UGGT1: variants seen among roughly 807,000 people sequenced by gnomAD.
The protein encoded by UGGT1 is UDP-glucose:glycoprotein glucosyltransferase 1.
In UGGT1, 107 loss-of-function variants were observed where a neutral mutation model predicts 203.9. The observed-to-expected ratio is 0.52, with a 90% CI of 0.45 to 0.62. The LOEUF is 0.62. Ranked by LOEUF, UGGT1 falls within the 20% of genes least tolerant of loss-of-function variation. The pLI is 0.00. For missense variants in UGGT1, 1,673 were observed against 1,867.2 expected (o/e 0.90, Z 1.92); for synonymous variants, 628 against 653.5 (o/e 0.96, Z 0.59).
intron 38 of UGGT1, 73 bp downstream of exon 38, chr2:128,183,862 T>A: frequency 8.3e-7 from 1 of 1,203,196 alleles, no homozygotes; most frequent in Non-Finnish European, 1.2e-6. Context: ...GAAGTATTAC[T>A]TGTGTCTTCA....
At position 128,163,473 on chromosome 2, in the gene UGGT1, G is replaced by T. The variant is rs182689147; in HGVS notation, c.2826-1257G>T. On this transcript the variant is annotated intron_variant, in intron 25 of 40. Coordinates refer to ENST00000259253, the MANE Select transcript of UGGT1 (RefSeq NM_020120.4). ...GCTCACACCTGTAATCCCAGCACTTGGGAAGGCCGAGGCGGGCGGATCATG... is the reference window on the plus strand; with the variant it reads ...GCTCACACCTGTAATCCCAGCACTTTGGAAGGCCGAGGCGGGCGGATCATG... Among the ~76,000 whole-genome samples the T allele has an allele frequency of 5.1e-3, 761 of 148,080 alleles. 10 individuals are homozygous for T. Among genetic ancestry groups the T allele is most frequent in the African/African-American group, 0.017 (672 of 40,214 alleles).
chr2:128,165,771 T>A lies in UGGT1; in HGVS notation c.2921+946T>A, dbSNP rs572487975. On this transcript the variant is annotated intron_variant, in intron 26 of 40. Coordinates refer to ENST00000259253, the MANE Select transcript of UGGT1 (RefSeq NM_020120.4). ...TTCATCTTTTATTGAAAACTTTTTT[T>A]AAAAAAAAAAAACAGGGTTTCATTC... 6.6e-3 allele frequency among the ~76,000 whole-genome samples: 963 copies of A among 147,006 alleles called. 14 individuals are homozygous for A. The highest frequency in any genetic ancestry group is 0.019 in the African/African-American group (763 of 40,232).
chr2:128,182,553 G>T (rs1691748109), intron 37 of UGGT1, among the ~76,000 whole-genome samples: 2 of 152,066 alleles, frequency 1.3e-5, no homozygotes, highest in South Asian at 4.1e-4. Flanking sequence ...ACAAAAATTA[G>T]CTGGGCATGG....
intron 10 of UGGT1, 63 bp from the exon 11 acceptor site, chr2:128,123,123 T>C (rs1052400021): frequency 7.7e-7 from 1 of 1,298,970 alleles, no homozygotes; most frequent in Non-Finnish European, 1.1e-6. Context: ...TTTTAAAATA[T>C]GGAAATTGAA....
At chr2:128,136,660 C>A (rs1239738483) in intron 15 of UGGT1, among the ~76,000 whole-genome samples, 1 of 152,206 alleles carries the variant, frequency 6.6e-6, no homozygotes, top group East Asian at 1.9e-4. Context: ...TATGAATAAA[C>A]CTGCTATAAA....
In UGGT1 at chr2:128,176,837, CT is replaced by C. The variant is rs1043902559; in HGVS notation, c.3564del (p.Asp1189MetfsTer19). 2.5e-6 allele frequency: 4 copies of C among 1,613,998 alleles called. No homozygotes were observed. Among genetic ancestry groups the C allele is most frequent in the Middle Eastern group, 1.6e-4 (1 of 6,080 alleles). On this transcript the variant is annotated frameshift_variant, in exon 32 of 41. Transcript: ENST00000259253. LOFTEE classifies it high-confidence loss of function. ...IYSHDGTDSP[P>X]DADEVVIVLN... is the part of the protein sequence containing the mutation. ...AGCCACGATGGCACTGATTCTCCCCCTGATGCTGATGAGGTGGTTATCGTCC... is the reference window on the plus strand; with the variant it reads ...AGCCACGATGGCACTGATTCTCCCCCGATGCTGATGAGGTGGTTATCGTCC...
Position 128,170,142 on chromosome 2 carries a change from A to G in UGGT1, c.2922-146A>G, listed in dbSNP as rs905865891. On this transcript the variant is annotated intron_variant, in intron 26 of 40. Transcript: ENST00000259253. ...TTTTGCAATCTTTGGGATAGACAGA[A>G]TCATATAGTTGGCCACTGTCATAGT... 7.9e-6 allele frequency: 5 copies of G among 632,190 alleles called. No individual in the cohort carries two copies. In the East Asian group the frequency reaches 8.3e-5, roughly 11 times the overall value. The allele number at this position is 632,190 out of a possible 1,614,324, so 39.2% of individuals were successfully genotyped here.
At chr2:128,112,992 T>G in intron 5 of UGGT1, 92 bp from the exon 6 acceptor site, 2 of 1,197,142 alleles carry the variant, frequency 1.7e-6, no homozygotes, top group South Asian at 2.3e-5. Flanking sequence ...TAATCTTTAT[T>G]TGAATTTTCA....
chr2:128,160,316 A>C (rs1690462184), intron 23 of UGGT1, 144 bp from the exon 24 acceptor site: 1 of 803,418 alleles, frequency 1.2e-6, no homozygotes, highest in Admixed American at 3.6e-5. Context: ...GAGACTGGAG[A>C]ATTGACACAT....
At chr2:128,113,059 T>G in intron 5 of UGGT1, 25 bp from the exon 6 acceptor site, 1 of 1,462,070 alleles carries the variant, frequency 6.8e-7, no homozygotes, top group Non-Finnish European at 9.1e-7. Flanking sequence ...TTTTAAAGTT[T>G]TGAGCTTTTA....
chr2:128,146,960 A>T (rs1216499018), intron 18 of UGGT1, among the ~76,000 whole-genome samples: 1 of 152,178 alleles, frequency 6.6e-6, no homozygotes, highest in East Asian at 1.9e-4. Context: ...GAGTCATTGC[A>T]TTAGCACAGA....
chr2:128,129,578 T>C (rs1230435888), intron 13 of UGGT1, among the ~76,000 whole-genome samples: 2 of 151,982 alleles, frequency 1.3e-5, no homozygotes, highest in Non-Finnish European at 2.9e-5. Flanking sequence ...TTTGTATTTT[T>C]AGTATAGACG....
At position 128,145,965 on chromosome 2, in the gene UGGT1, T is replaced by C. The variant is rs1558792127; in HGVS notation, c.2014T>C (p.Leu672=). The part of the protein sequence containing the change: ...TTTFFQRAVY[L]GELPHDQDVV... Reference sequence around the variant, plus strand: ...CACCTTCTTCCAAAGAGCGGTGTACTTGGTGAGTCACGTTTCAAGGCTGAT... The same window carrying C: ...CACCTTCTTCCAAAGAGCGGTGTACCTGGTGAGTCACGTTTCAAGGCTGAT... The change falls in exon 18 of 41, where the codon TTG becomes CTG. Residue 672 remains leucine, a splice_region_variant and synonymous_variant. Coordinates refer to ENST00000259253, the MANE Select transcript of UGGT1 (RefSeq NM_020120.4). 2 of 1,613,742 alleles carry C rather than the reference T, an allele frequency of 1.2e-6. No individual in the cohort carries two copies. Among genetic ancestry groups the C allele is most frequent in the African/African-American group, 2.7e-5 (2 of 74,896 alleles).
intron 18 of UGGT1, among the ~76,000 whole-genome samples, chr2:128,152,290 C>T (rs1690011540): frequency 6.6e-6 from 1 of 152,106 alleles, no homozygotes; most frequent in Admixed American, 6.5e-5. Context: ...GCCTCAGCTT[C>T]CTGAGAAGCT....
intron 1 of UGGT1, chr2:128,091,631 T>G: frequency 7.0e-7 from 1 of 1,421,140 alleles, no homozygotes. Context: ...CGGGCTCTGT[T>G]CAGCGGTCTT....
At chr2:128,163,210 A>G (rs1270065432) in intron 25 of UGGT1, among the ~76,000 whole-genome samples, 7 of 152,136 alleles carry the variant, frequency 4.6e-5, no homozygotes, top group African/African-American at 1.7e-4. Flanking sequence ...TGTATTATAT[A>G]TATTTGGCAT....
intron 1 of UGGT1, among the ~76,000 whole-genome samples, chr2:128,092,013 A>G (rs1232507735): frequency 6.6e-6 from 1 of 152,128 alleles, no homozygotes; most frequent in Non-Finnish European, 1.5e-5. Flanking sequence ...TTCTTGCCAG[A>G]TTTGAGAAGG....
chr2:128,156,561 T>A lies in UGGT1; in HGVS notation c.2260+146T>A, dbSNP rs1690242139. 8 of 584,892 alleles carry A rather than the reference T, an allele frequency of 1.4e-5. No individual in the cohort carries two copies. The East Asian group carries it at 2.6e-4, about 19-fold the overall frequency. 36.2% of individuals were successfully genotyped at this position (584,892 alleles called of 1,614,324 possible). A position where few individuals can be genotyped will look rare whatever the true frequency, so the allele number is the denominator to read the frequency against. On this transcript the variant is annotated intron_variant, in intron 21 of 40. Coordinates refer to ENST00000259253, the MANE Select transcript of UGGT1 (RefSeq NM_020120.4). ...AGCTATATCAATGTAGATAATTTTTTTTTTTTTTTTTTTTGAGACAGAGTC... is the reference window on the plus strand; with the variant it reads ...AGCTATATCAATGTAGATAATTTTTATTTTTTTTTTTTTTGAGACAGAGTC...
chr2:128,171,122 T>G, intron 27 of UGGT1, 83 bp from the exon 28 acceptor site: 630 of 1,246,860 alleles, frequency 5.1e-4, no homozygotes, highest in Non-Finnish European at 6.5e-4. Context: ...TATCTTTTCT[T>G]GAGATATTAA....
Sources: gnomAD v4.1 joint callset for allele counts (sites outside exome capture counted in the v4.1 genomes callset) on GRCh38, gnomAD v4.1.1 for gene constraint, MANE v1.5 for transcripts, NCBI Gene and HGNC (gene_info 2026-07-23, HGNC 2026-07-21) for gene names.